The following NRP1 variants were observed in gnomAD, a reference collection of about 807,000 sequenced individuals.
NRP1 encodes the protein neuropilin 1, also known as neuropilin-1.
Under a neutral mutation model 106.7 loss-of-function variants are expected in NRP1, and 35 were observed. That is an observed-to-expected ratio of 0.33 (90% CI 0.25 to 0.43). The LOEUF (loss-of-function observed/expected upper bound fraction) is 0.43. Among genes scored for constraint, NRP1 ranks in the 20% least tolerant of loss-of-function variants. The probability of loss-of-function intolerance (pLI) is 1.00; values close to 1 mark genes in which losing one functional copy is unlikely to be tolerated. For missense variants in NRP1, 1,024 were observed against 1,170.4 expected, an observed-to-expected ratio of 0.87 and a Z score of 1.83; for synonymous variants, 437 against 417.9, an observed-to-expected ratio of 1.05 and a Z score of -0.56.
chr10:33,228,609 C>G (rs1839865457), intron 6 of NRP1, among the ~76,000 whole-genome samples: 1 of 152,112 alleles, frequency 6.6e-6, no homozygotes, highest in Non-Finnish European at 1.5e-5. Context: ...CCTGAAGGCG[C>G]TTGGAGTAGT....
chr10:33,301,681 A>G (rs1845810069), intron 2 of NRP1, among the ~76,000 whole-genome samples: 1 of 152,180 alleles, frequency 6.6e-6, no homozygotes, highest in South Asian at 2.1e-4. Context: ...TTAAAAAATT[A>G]AAGGGGTGTT....
intron 6 of NRP1, among the ~76,000 whole-genome samples, chr10:33,242,284 G>A (rs139671894): frequency 6.6e-6 from 1 of 152,040 alleles, no homozygotes; most frequent in Admixed American, 6.6e-5. Flanking sequence ...TTCTTTACGT[G>A]GTAAATGATT....
At chr10:33,193,202 G>A (rs1005985256) in intron 12 of NRP1, among the ~76,000 whole-genome samples, 1 of 151,918 alleles carries the variant, frequency 6.6e-6, no homozygotes, top group South Asian at 2.1e-4. Flanking sequence ...ATGAATTCAC[G>A]GGAATGACTT....
At chr10:33,195,385 C>A in intron 12 of NRP1, 1 of 387,148 alleles carries the variant, frequency 2.6e-6, no homozygotes, top group Non-Finnish European at 5.1e-6. Context: ...GAGCATTAAC[C>A]AGCTTTTATG....
At chr10:33,225,457 G>T (rs189978936) in intron 7 of NRP1, among the ~76,000 whole-genome samples, 2 of 152,160 alleles carry the variant, frequency 1.3e-5, no homozygotes, top group African/African-American at 2.4e-5. Context: ...TGAATTCTCC[G>T]AAATCTTTTG....
intron 2 of NRP1, among the ~76,000 whole-genome samples, chr10:33,279,961 G>A (rs1843994149): frequency 1.3e-5 from 2 of 152,224 alleles, no homozygotes; most frequent in African/African-American, 4.8e-5. Flanking sequence ...TAGGAAAGCA[G>A]GATAATGGAT....
At chr10:33,200,648 G>A (rs1157178368) in intron 11 of NRP1, among the ~76,000 whole-genome samples, 2 of 152,196 alleles carry the variant, frequency 1.3e-5, no homozygotes, top group Non-Finnish European at 2.9e-5. Context: ...CACGTTTGTA[G>A]TCCTGACAGC....
chr10:33,269,355 C>T (rs577391519), intron 3 of NRP1, among the ~76,000 whole-genome samples: 21 of 152,258 alleles, frequency 1.4e-4, no homozygotes, highest in African/African-American at 4.8e-4. Flanking sequence ...TGCAGCGGCA[C>T]GATCAAGGCT....
intron 10 of NRP1, chr10:33,206,358 A>G: frequency 1.9e-6 from 1 of 518,738 alleles, no homozygotes; most frequent in South Asian, 1.4e-5. Flanking sequence ...TAGTGCCTGG[A>G]TAATTTAGGG....
intron 2 of NRP1, among the ~76,000 whole-genome samples, chr10:33,316,631 T>C (rs1253234189): frequency 6.6e-6 from 1 of 151,754 alleles, no homozygotes; most frequent in Non-Finnish European, 1.5e-5. Flanking sequence ...GGAGGAGAAA[T>C]AGAGGCAAAA....
chr10:33,304,046 C>T (rs1449991510), intron 2 of NRP1, among the ~76,000 whole-genome samples: 1 of 152,126 alleles, frequency 6.6e-6, no homozygotes, highest in African/African-American at 2.4e-5. Flanking sequence ...GGGATTCAAC[C>T]AAATCACATG....
chr10:33,315,229 T>C (rs1846936126), intron 2 of NRP1, among the ~76,000 whole-genome samples: 1 of 152,214 alleles, frequency 6.6e-6, no homozygotes, highest in Non-Finnish European at 1.5e-5. Flanking sequence ...CTAGAGCTAC[T>C]CAAATGTAAA....
At chr10:33,333,900 G>A (rs1848448501) in intron 1 of NRP1, among the ~76,000 whole-genome samples, 1 of 152,308 alleles carries the variant, frequency 6.6e-6, no homozygotes, top group East Asian at 1.9e-4. Context: ...ACGGCTTAGG[G>A]GAGCAGCAAA....
chr10:33,198,297 A>G (rs1195519950), intron 11 of NRP1, among the ~76,000 whole-genome samples: 1 of 151,818 alleles, frequency 6.6e-6, no homozygotes, highest in Non-Finnish European at 1.5e-5. Flanking sequence ...GTGCACTACC[A>G]TGCCCAGGTA....
intron 13 of NRP1, among the ~76,000 whole-genome samples, chr10:33,188,310 G>A (rs1276706742): frequency 3.9e-5 from 6 of 152,168 alleles, no homozygotes; most frequent in Non-Finnish European, 7.3e-5. Context: ...AAGAAGGAGA[G>A]AAGTGGACGT....
In NRP1 at chr10:33,294,183, G is replaced by A. The variant is rs115840103; in HGVS notation, c.249-23327C>T. On this transcript the variant is annotated intron_variant, in intron 2 of 16. Coordinates refer to ENST00000374867, the MANE Select transcript of NRP1 (RefSeq NM_003873.7). ...GGTGGGGGTCCTACATATCTCAAAC[G>A]CTTCAGTGAGTGTGGGATTTGGGGA... is the stretch of plus-strand genomic sequence containing the variant. 7.0e-3 allele frequency among the ~76,000 whole-genome samples: 1,066 copies of A among 152,272 alleles called. 7 individuals carry two copies. Among genetic ancestry groups the A allele is most frequent in the African/African-American group, 0.024 (1,003 of 41,550 alleles).
intron 5 of NRP1, 70 bp downstream of exon 5, chr10:33,256,246 C>T (rs1842186929): frequency 3.4e-6 from 5 of 1,484,910 alleles, no homozygotes; most frequent in Non-Finnish European, 4.7e-6. Flanking sequence ...CTTCATGTGG[C>T]CGCAGGTGTG....
chr10:33,272,873 G>C lies in NRP1; in HGVS notation c.249-2017C>G, dbSNP rs182618897. On this transcript the variant is annotated intron_variant, in intron 2 of 16. Coordinates refer to ENST00000374867, the MANE Select transcript of NRP1 (RefSeq NM_003873.7). Reference sequence around the variant, plus strand: ...AATTCTAGCTCACGTTGCCTTCCAAGCACAAATAAGAGAGGTGGGTGAGGC... The same window carrying C: ...AATTCTAGCTCACGTTGCCTTCCAACCACAAATAAGAGAGGTGGGTGAGGC... Among the ~76,000 whole-genome samples the C allele has an allele frequency of 7.9e-5, 12 of 152,178 alleles. No homozygotes were observed. In the East Asian group the frequency reaches 1.9e-3, roughly 25 times the overall value.
chr10:33,256,574 T>C (rs1433649199), intron 4 of NRP1, 103 bp from the exon 5 acceptor site: 2 of 1,278,030 alleles, frequency 1.6e-6, no homozygotes, highest in Non-Finnish European at 2.2e-6. Context: ...CCCAGAAGTG[T>C]TTTCTAACCC....
Sources: gnomAD v4.1 joint callset for allele counts (sites outside exome capture counted in the v4.1 genomes callset) on GRCh38, gnomAD v4.1.1 for gene constraint, MANE v1.5 for transcripts, NCBI Gene and HGNC (gene_info 2026-07-23, HGNC 2026-07-21) for gene names.